Variants in SHOC2 observed in about 807,000 individuals in gnomAD.
The protein encoded by SHOC2 is SHOC2 leucine rich repeat scaffold protein.
Under a neutral mutation model 50.2 loss-of-function variants are expected in SHOC2, and 4 were observed. The observed-to-expected ratio is 0.08, with a 90% CI of 0.04 to 0.18. SHOC2 has a LOEUF of 0.18. Among genes scored for constraint, SHOC2 ranks in the 10% least tolerant of loss-of-function variants. SHOC2 has a pLI of 1.00. For missense variants in SHOC2, 388 were observed against 669.6 expected, an observed-to-expected ratio of 0.58 and a Z score of 4.64; for synonymous variants, 218 against 244.5, an observed-to-expected ratio of 0.89 and a Z score of 1.01.
At chr10:110,944,023 C>T (rs1847201526) in intron 1 of SHOC2, among the ~76,000 whole-genome samples, 1 of 152,196 alleles carries the variant, frequency 6.6e-6, no homozygotes, top group African/African-American at 2.4e-5. Context: ...CCAGTCTCCT[C>T]TTTCTTGCTC....
At chr10:111,006,612 C>T (rs1284335046) in intron 5 of SHOC2, among the ~76,000 whole-genome samples, 2 of 152,126 alleles carry the variant, frequency 1.3e-5, no homozygotes, top group South Asian at 2.1e-4. Flanking sequence ...CCTCGTGATC[C>T]GCCCGCCTCG....
chr10:110,989,001 C>T, intron 3 of SHOC2: 1 of 513,226 alleles, frequency 1.9e-6, no homozygotes, highest in Non-Finnish European at 3.9e-6. Context: ...ACTTTTGCAC[C>T]AACCTGATAG....
intron 1 of SHOC2, among the ~76,000 whole-genome samples, chr10:110,946,855 G>A (rs11818761): frequency 0.06 from 9,063 of 152,198 alleles, 342 homozygotes; most frequent in African/African-American, 0.11. Context: ...TTTTAAGCAA[G>A]GGAGTGACTT....
rs368669769 is a variant in SHOC2 at position 111,007,545 on chromosome 10, A to G, written c.1176A>G (p.Thr392=). The G allele has an allele frequency of 6.2e-7, 1 of 1,613,626 alleles. No homozygotes were observed. Among genetic ancestry groups the G allele is most frequent in the Non-Finnish European group, 8.5e-7 (1 of 1,179,744 alleles). The change falls in exon 6 of 9, where the codon ACA becomes ACG. Residue 392 remains threonine, a synonymous_variant. Coordinates refer to ENST00000369452, the MANE Select transcript of SHOC2 (RefSeq NM_007373.4). The stretch of plus-strand genomic sequence containing the variant: ...GTCTTTGCCAGGACAATCAGTTAAC[A>G]TCACTTCCCTTGGATTTTGGAACTT... The part of the protein sequence containing the change: ...SKLNMKDNQL[T]SLPLDFGTWT...
rs1161864396 is a variant in SHOC2 at position 110,986,148 on chromosome 10, G to A, written c.841+383G>A. ...TGAAAAATAAAACCATTGCTATTTA[G>A]TTTTTTAAACATGGCCAATATACTT... On this transcript the variant is annotated intron_variant, in intron 3 of 8. Coordinates refer to ENST00000369452, the MANE Select transcript of SHOC2 (RefSeq NM_007373.4). Among the ~76,000 whole-genome samples the A allele has an allele frequency of 2.6e-5, 4 of 152,202 alleles. No individual in the cohort carries two copies. In the East Asian group the frequency reaches 7.7e-4, roughly 29 times the overall value.
At chr10:110,990,631 G>A (rs535695364) in intron 3 of SHOC2, among the ~76,000 whole-genome samples, 12 of 152,166 alleles carry the variant, frequency 7.9e-5, no homozygotes, top group African/African-American at 2.9e-4. Flanking sequence ...CGTGGGTGGG[G>A]CCAGATAAGA....
intron 1 of SHOC2, among the ~76,000 whole-genome samples, chr10:110,941,648 T>A (rs1847147598): frequency 6.6e-6 from 1 of 152,186 alleles, no homozygotes; most frequent in African/African-American, 2.4e-5. Flanking sequence ...GAGTTCTTTT[T>A]ATGTTTAAAT....
intron 5 of SHOC2, among the ~76,000 whole-genome samples, chr10:111,006,390 A>G: frequency 6.6e-6 from 1 of 152,204 alleles, no homozygotes; most frequent in Non-Finnish European, 1.5e-5. Flanking sequence ...GTTGTTTTTG[A>G]GACGGAGTCT....
chr10:110,952,904 T>G (rs1847383625), intron 1 of SHOC2, among the ~76,000 whole-genome samples: 1 of 152,254 alleles, frequency 6.6e-6, no homozygotes, highest in South Asian at 2.1e-4. Flanking sequence ...ATTCTTTTTT[T>G]GTGACTGCAT....
intron 1 of SHOC2, among the ~76,000 whole-genome samples, chr10:110,945,355 A>G (rs1590789713): frequency 6.6e-6 from 1 of 152,138 alleles, no homozygotes; most frequent in African/African-American, 2.4e-5. Context: ...TAGCTTCTAG[A>G]GTGCACTGGG....
intron 1 of SHOC2, among the ~76,000 whole-genome samples, chr10:110,960,071 T>A (rs1375275648): frequency 6.6e-6 from 1 of 152,256 alleles, no homozygotes; most frequent in African/African-American, 2.4e-5. Context: ...TTACTTCTTG[T>A]GTCCAATTTG....
chr10:110,937,204 A>G (rs748192177), intron 1 of SHOC2: 5 of 1,501,424 alleles, frequency 3.3e-6, no homozygotes, highest in African/African-American at 2.8e-5. Context: ...GGCCTCGACC[A>G]TCAAGCACCA....
At chr10:110,995,704 A>G (rs1464832534) in intron 3 of SHOC2, among the ~76,000 whole-genome samples, 2 of 152,274 alleles carry the variant, frequency 1.3e-5, no homozygotes, top group Admixed American at 1.3e-4. Flanking sequence ...CTTTTTATCA[A>G]ATGTCACAGG....
chr10:110,923,409 T>G (rs1055008355), intron 1 of SHOC2, among the ~76,000 whole-genome samples: 5 of 152,112 alleles, frequency 3.3e-5, no homozygotes, highest in Admixed American at 1.3e-4. Flanking sequence ...TTTTGTTTGG[T>G]ATTTTCCCCC....
chr10:110,999,736 C>CAAAAAAAAAAAAAAAAAA (rs145780250), intron 3 of SHOC2, among the ~76,000 whole-genome samples: 4 of 81,716 alleles, frequency 4.9e-5, no homozygotes, highest in African/African-American at 1.1e-4. Flanking sequence ...GACTCAGTCT[C>CAAAAAAAAAAAAAAAAAA]AAAAAAAAAA....
intron 3 of SHOC2, among the ~76,000 whole-genome samples, chr10:110,999,987 A>G (rs1182319965): frequency 2.0e-5 from 3 of 152,114 alleles, no homozygotes; most frequent in Non-Finnish European, 4.4e-5. Context: ...AGAAATTTGG[A>G]AATTTCTTCT....
At chr10:110,971,926 A>G (rs1347998698) in intron 2 of SHOC2, among the ~76,000 whole-genome samples, 2 of 151,820 alleles carry the variant, frequency 1.3e-5, no homozygotes, top group African/African-American at 4.8e-5. Context: ...TATATAATTA[A>G]TATCTATATA....
chr10:110,950,174 A>G (rs935476345), intron 1 of SHOC2, among the ~76,000 whole-genome samples: 2 of 152,204 alleles, frequency 1.3e-5, no homozygotes, highest in African/African-American at 4.8e-5. Context: ...AAAATGTTAG[A>G]ATTAATAAAT....
chr10:110,961,896 A>C (rs553319120), intron 1 of SHOC2, among the ~76,000 whole-genome samples: 42 of 152,046 alleles, frequency 2.8e-4, no homozygotes, highest in Non-Finnish European at 4.9e-4. Flanking sequence ...ACTGGTGTTC[A>C]GATCTTACAT....
Sources: gnomAD v4.1 joint callset for allele counts (sites outside exome capture counted in the v4.1 genomes callset) on GRCh38, gnomAD v4.1.1 for gene constraint, MANE v1.5 for transcripts, NCBI Gene and HGNC (gene_info 2026-07-23, HGNC 2026-07-21) for gene names.